The following SOX6 variants were observed in gnomAD, a reference collection of about 807,000 sequenced individuals.
SOX6 encodes SRY-box transcription factor 6, also known as transcription factor SOX-6.
A neutral mutation model predicts 97.8 loss-of-function variants in SOX6; 11 were observed. The ratio of observed to expected loss-of-function variants is 0.11; its 90% CI spans 0.07 to 0.19. The LOEUF is 0.19. SOX6 is among the 10% of genes least tolerant of loss of function. The pLI is 1.00. For synonymous variants in SOX6, 360 were observed against 371.4 expected, an observed-to-expected ratio of 0.97 and a Z score of 0.35; for missense variants, 810 against 1,039.5, an observed-to-expected ratio of 0.78 and a Z score of 3.04.
At chr11:16,660,791 C>T (rs1847760345) in intron 3 of SOX6, among the ~76,000 whole-genome samples, 1 of 152,152 alleles carries the variant, frequency 6.6e-6, no homozygotes, top group South Asian at 2.1e-4. Flanking sequence ...AGAGAAGGTG[C>T]CATGTATGAG....
chr11:16,199,609 G>C (rs761387094), intron 4 of SOX6, among the ~76,000 whole-genome samples: 35 of 152,218 alleles, frequency 2.3e-4, no homozygotes, highest in Non-Finnish European at 4.4e-4. Flanking sequence ...CCTTCTTCCT[G>C]CATTTTAAAA....
In SOX6 at chr11:16,132,394, GAAAGAAAAAAGA is replaced by G. The variant is rs66826329; in HGVS notation, c.778-20483_778-20472del. Among the ~76,000 whole-genome samples, 5 of 63,762 alleles carry G rather than the reference GAAAGAAAAAAGA, an allele frequency of 7.8e-5. 1 individual carries two copies. The highest frequency in any genetic ancestry group is 1.9e-4 in the Admixed American group (1 of 5,238). 41.8% of individuals were successfully genotyped at this position (63,762 alleles called of 152,430 possible). A position where few individuals can be genotyped will look rare whatever the true frequency, so the allele number is the denominator to read the frequency against. On this transcript the variant is annotated intron_variant, in intron 6 of 15. Transcript: ENST00000683767. ...AGAAAGAAAGAAAGAAAGAAAGAAA[GAAAGAAAAAAGA>G]AAGAAAGAAAGAAAGAAAGAAAGAA...
intron 4 of SOX6, among the ~76,000 whole-genome samples, chr11:16,582,894 C>T (rs1848043911): frequency 6.6e-6 from 1 of 151,952 alleles, no homozygotes; most frequent in Admixed American, 6.6e-5. Context: ...CTATGCTCTC[C>T]AAATTATTCC....
chr11:16,481,272 A>C (rs190533790), upstream of SOX6, among the ~76,000 whole-genome samples: 2 of 152,282 alleles, frequency 1.3e-5, no homozygotes, highest in East Asian at 1.9e-4. Context: ...ATAAAATGTG[A>C]AATTTGACTT....
At chr11:16,112,821 G>A (rs1230191981) in intron 6 of SOX6, among the ~76,000 whole-genome samples, 1 of 152,100 alleles carries the variant, frequency 6.6e-6, no homozygotes, top group Non-Finnish European at 1.5e-5. Flanking sequence ...AGGATAGCAT[G>A]ACAGGAAGGT....
chr11:16,093,103 A>C (rs187087688), intron 9 of SOX6, among the ~76,000 whole-genome samples: 1 of 152,124 alleles, frequency 6.6e-6, no homozygotes, highest in Non-Finnish European at 1.5e-5. Context: ...TGTTTACTGT[A>C]GCAAGTGCTC....
chr11:15,990,821 A>G (rs564035698), intron 13 of SOX6, among the ~76,000 whole-genome samples: 1 of 152,326 alleles, frequency 6.6e-6, no homozygotes, highest in African/African-American at 2.4e-5. Flanking sequence ...TATTTTCTGG[A>G]AAAAGTAAAT....
intron 12 of SOX6, chr11:16,015,361 G>C: frequency 2.7e-6 from 1 of 369,998 alleles, no homozygotes; most frequent in South Asian, 3.0e-5. Flanking sequence ...AGAGAGGGTT[G>C]AGCCAACAAT....
intron 9 of SOX6, among the ~76,000 whole-genome samples, chr11:16,056,665 T>C (rs1847822992): frequency 6.6e-6 from 1 of 152,188 alleles, no homozygotes. Context: ...CATTGCTGTT[T>C]CAAGGCCTTT....
chr11:16,032,091 CT>C (rs1391367517), intron 12 of SOX6, among the ~76,000 whole-genome samples: 1 of 152,144 alleles, frequency 6.6e-6, no homozygotes, highest in Non-Finnish European at 1.5e-5. Context: ...AGAGTAACTA[CT>C]TCTTCCAAAG....
intron 9 of SOX6, among the ~76,000 whole-genome samples, chr11:16,073,692 T>C (rs1432155846): frequency 6.6e-6 from 1 of 152,210 alleles, no homozygotes; most frequent in Non-Finnish European, 1.5e-5. Flanking sequence ...CAATCAGCCA[T>C]AAATAATCCT....
chr11:16,231,485 T>C (rs910842073), intron 4 of SOX6, among the ~76,000 whole-genome samples: 7 of 151,750 alleles, frequency 4.6e-5, no homozygotes, highest in Non-Finnish European at 1.0e-4. Flanking sequence ...TAATAATACT[T>C]GTTATTCAGG....
intron 6 of SOX6, among the ~76,000 whole-genome samples, chr11:16,122,443 T>A (rs1469573886): frequency 6.6e-6 from 1 of 152,046 alleles, no homozygotes; most frequent in African/African-American, 2.4e-5. Flanking sequence ...ATAAAAATTA[T>A]TTTTTTCAAA....
chr11:16,008,871 G>A lies in SOX6; in HGVS notation c.1732+6071C>T, dbSNP rs573882383. 7.9e-5 allele frequency among the ~76,000 whole-genome samples: 12 copies of A among 152,056 alleles called. No individual in the cohort carries two copies. The South Asian group carries it at 2.1e-3, about 26-fold the overall frequency. On this transcript the variant is annotated intron_variant, in intron 13 of 15. Transcript: ENST00000683767. ...TTAGTCCAGAGCCCAGGGCTTTGTC[G>A]ACTCTGCTTATATCCCAGCCTGTGT...
At chr11:16,376,552 T>A (rs1857646168) in intron 1 of SOX6, among the ~76,000 whole-genome samples, 1 of 152,152 alleles carries the variant, frequency 6.6e-6, no homozygotes, top group South Asian at 2.1e-4. Flanking sequence ...TAAAGCCTAC[T>A]TTCAGAAGAT....
At chr11:16,488,250 G>A (rs1450282071) in intron 4 of SOX6, among the ~76,000 whole-genome samples, 3 of 152,110 alleles carry the variant, frequency 2.0e-5, no homozygotes, top group African/African-American at 7.2e-5. Flanking sequence ...AGTAGAGTTG[G>A]TGACTTCAAG....
At chr11:16,370,372 G>A (rs975668292) in intron 1 of SOX6, among the ~76,000 whole-genome samples, 4 of 151,972 alleles carry the variant, frequency 2.6e-5, no homozygotes, top group African/African-American at 9.7e-5. Flanking sequence ...GGCTATATCT[G>A]GTAGAGTATA....
chr11:16,132,444 A>AAAAG (rs59652288), intron 6 of SOX6, among the ~76,000 whole-genome samples: 398 of 27,186 alleles, frequency 0.015, 40 homozygotes, highest in East Asian at 0.028. Flanking sequence ...AAAGAAAGAA[A>AAAAG]AAAGAAAGAA....
At chr11:16,248,352 G>A (rs572457312) in intron 3 of SOX6, among the ~76,000 whole-genome samples, 2 of 152,250 alleles carry the variant, frequency 1.3e-5, no homozygotes, top group Admixed American at 6.5e-5. Context: ...GCCCCAGTGG[G>A]GACTCTGTGT....
Sources: allele counts gnomAD v4.1 joint callset (sites outside exome capture counted in the v4.1 genomes callset), GRCh38; gene constraint gnomAD v4.1.1; transcripts MANE v1.5; gene names NCBI Gene and HGNC (gene_info 2026-07-23, HGNC 2026-07-21).